Variants in RAVER2 observed in about 807,000 individuals in gnomAD.
RAVER2 encodes ribonucleoprotein PTB-binding 2.
Under a neutral mutation model 78.1 loss-of-function variants are expected in RAVER2, and 46 were observed. The observed-to-expected ratio is 0.59, with a 90% confidence interval of 0.46 to 0.75. RAVER2 has a LOEUF of 0.75. RAVER2 is among the 30% of genes least tolerant of loss of function. The pLI is 0.00. For missense variants in RAVER2, 793 were observed against 837.5 expected (o/e 0.95, Z 0.66); for synonymous variants, 311 against 313.3 (o/e 0.99, Z 0.08).
At chr1:64,759,865 C>T (rs1651972974) in intron 1 of RAVER2, among the ~76,000 whole-genome samples, 1 of 151,588 alleles carries the variant, frequency 6.6e-6, no homozygotes, top group African/African-American at 2.4e-5. Flanking sequence ...ATGTTAATGT[C>T]GTAAAATAAT....
At chr1:64,761,522 A>G (rs1652020762) in intron 1 of RAVER2, among the ~76,000 whole-genome samples, 1 of 152,236 alleles carries the variant, frequency 6.6e-6, no homozygotes, top group African/African-American at 2.4e-5. Flanking sequence ...TTTAACACTC[A>G]TACATCGTAA....
intron 4 of RAVER2, among the ~76,000 whole-genome samples, chr1:64,787,038 T>C (rs1273401584): frequency 1.3e-5 from 2 of 152,224 alleles, no homozygotes; most frequent in Admixed American, 6.5e-5. Flanking sequence ...TTATTTTTCC[T>C]CAATACTTAT....
intron 4 of RAVER2, among the ~76,000 whole-genome samples, chr1:64,785,019 C>G (rs903906969): frequency 6.6e-6 from 1 of 152,158 alleles, no homozygotes; most frequent in African/African-American, 2.4e-5. Context: ...TCTTTCTCAT[C>G]CTCAAATCAG....
chr1:64,763,917 TACAC>T lies in RAVER2; in HGVS notation c.250-4704_250-4701del, dbSNP rs58298918. The stretch of plus-strand genomic sequence containing the variant: ...AAACTCCATCTCAAAAAAACAAAAA[TACAC>T]ACACACACACACACACACACACACA... On this transcript the variant is annotated intron_variant, in intron 1 of 11. Coordinates refer to ENST00000294428, the Ensembl canonical transcript of RAVER2. Among the ~76,000 whole-genome samples the T allele has an allele frequency of 9.0e-3, 1,200 of 133,792 alleles. 20 individuals carry two copies. The highest frequency in any genetic ancestry group is 0.024 in the South Asian group (96 of 4,024). 87.8% of individuals were successfully genotyped at this position (133,792 alleles called of 152,430 possible).
At chr1:64,804,743 A>T in exon 7 of RAVER2, 1 of 1,440,658 alleles carries the variant, frequency 6.9e-7, no homozygotes, top group Non-Finnish European at 9.7e-7. Context: ...GAGCTCAGTT[A>T]TGGGTAATAC....
intron 5 of RAVER2, among the ~76,000 whole-genome samples, chr1:64,795,646 AT>A (rs1174846924): frequency 6.6e-6 from 1 of 152,046 alleles, no homozygotes; most frequent in Non-Finnish European, 1.5e-5. Flanking sequence ...CTGATTAAAT[AT>A]TTATTTATCT....
At chr1:64,824,066 C>A (rs1320906039) in intron 11 of RAVER2, among the ~76,000 whole-genome samples, 1 of 152,156 alleles carries the variant, frequency 6.6e-6, no homozygotes, top group Non-Finnish European at 1.5e-5. Context: ...CTTGGTCTTC[C>A]AAAGTGCTAG....
chr1:64,757,762 T>C (rs1252248819), intron 1 of RAVER2, among the ~76,000 whole-genome samples: 1 of 151,978 alleles, frequency 6.6e-6, no homozygotes, highest in Non-Finnish European at 1.5e-5. Context: ...CTAGAGAATA[T>C]ATAAATGTGT....
At chr1:64,830,792 A>C (rs760367952) in intron 11 of RAVER2, 47 bp from the exon 12 acceptor site, 4 of 1,494,146 alleles carry the variant, frequency 2.7e-6, no homozygotes, top group South Asian at 2.5e-5. Context: ...TTAATGAATA[A>C]GCCAACTTTA....
chr1:64,807,426 C>T (rs200342531), exon 9 of RAVER2: 26 of 1,613,936 alleles, frequency 1.6e-5, no homozygotes. Flanking sequence ...TGGTGGGACA[C>T]CATAAGCAGC....
At chr1:64,818,796 C>T (rs970400987) in intron 11 of RAVER2, among the ~76,000 whole-genome samples, 1 of 152,036 alleles carries the variant, frequency 6.6e-6, no homozygotes, top group African/African-American at 2.4e-5. Flanking sequence ...GAAGGGGGGA[C>T]ATCGTGGAAA....
chr1:64,753,568 C>T (rs1234792062), intron 1 of RAVER2, among the ~76,000 whole-genome samples: 23 of 144,298 alleles, frequency 1.6e-4, no homozygotes, highest in Non-Finnish European at 1.5e-5. Flanking sequence ...CACTCTGTTG[C>T]CCAGGCTGGA....
chr1:64,808,381 T>G (rs1410006118), intron 9 of RAVER2, among the ~76,000 whole-genome samples: 2 of 152,092 alleles, frequency 1.3e-5, no homozygotes, highest in Non-Finnish European at 2.9e-5. Flanking sequence ...GTAAGAGGTT[T>G]TAGTGTTACC....
At chr1:64,824,176 C>T (rs145975935) in intron 11 of RAVER2, among the ~76,000 whole-genome samples, 14 of 152,310 alleles carry the variant, frequency 9.2e-5, no homozygotes, top group Non-Finnish European at 1.8e-4. Flanking sequence ...GCAGTGTTAT[C>T]TACTTGCACG....
At chr1:64,783,694 C>G (rs563531605) in intron 4 of RAVER2, among the ~76,000 whole-genome samples, 1 of 152,274 alleles carries the variant, frequency 6.6e-6, no homozygotes, top group East Asian at 1.9e-4. Context: ...TGTAGGTTGT[C>G]TATTCACTCT....
intron 1 of RAVER2, among the ~76,000 whole-genome samples, chr1:64,746,082 T>C (rs145045017): frequency 6.6e-5 from 10 of 152,356 alleles, no homozygotes; most frequent in African/African-American, 2.2e-4. Context: ...GGTTTAAAGA[T>C]AGCTACTCTG....
chr1:64,792,725 T>A (rs1162184721), intron 5 of RAVER2, among the ~76,000 whole-genome samples: 1 of 152,180 alleles, frequency 6.6e-6, no homozygotes, highest in Non-Finnish European at 1.5e-5. Context: ...CTTGAGCACA[T>A]ACATAGCTGG....
chr1:64,800,131 GTT>G (rs200005863), intron 5 of RAVER2, among the ~76,000 whole-genome samples: 3 of 137,726 alleles, frequency 2.2e-5, no homozygotes, highest in East Asian at 2.1e-4. Context: ...TTTGTTTTTT[GTT>G]TTTTTTTTTT....
chr1:64,778,975 TTTAA>T (rs1652551241), intron 3 of RAVER2, among the ~76,000 whole-genome samples: 1 of 147,782 alleles, frequency 6.8e-6, no homozygotes, highest in African/African-American at 2.5e-5. Context: ...AAATATATTA[TTTAA>T]TATTAAATAT....
Sources: gnomAD v4.1 joint callset for allele counts (sites outside exome capture counted in the v4.1 genomes callset) on GRCh38, gnomAD v4.1.1 for gene constraint, MANE v1.5 for transcripts, NCBI Gene and HGNC (gene_info 2026-07-23, HGNC 2026-07-21) for gene names.